The following TENM3 variants were observed in gnomAD, a reference collection of about 807,000 sequenced individuals.
TENM3 encodes teneurin transmembrane protein 3.
In TENM3, 63 loss-of-function variants were observed where a neutral mutation model predicts 255.1. That is an observed-to-expected ratio of 0.25 (90% CI 0.20 to 0.30). The LOEUF (loss-of-function observed/expected upper bound fraction) is 0.30. Among genes scored for constraint, TENM3 ranks in the 10% least tolerant of loss-of-function variants. The pLI, the probability that TENM3 is intolerant of heterozygous loss-of-function variation, is 1.00. For synonymous variants in TENM3, 1,306 were observed against 1,322.3 expected (o/e 0.99, Z 0.27); for missense variants, 2,929 against 3,461.1 (o/e 0.85, Z 3.86).
chr4:181,623,190 T>C, the TENM3 span, among the ~76,000 whole-genome samples: 1 of 152,198 alleles, frequency 6.6e-6, no homozygotes, highest in African/African-American at 2.4e-5. Context: ...GCAGTTTTGC[T>C]CTTTACAAGC....
At chr4:182,763,401 T>G (rs1234515711) in intron 22 of TENM3, among the ~76,000 whole-genome samples, 1 of 151,994 alleles carries the variant, frequency 6.6e-6, no homozygotes, top group East Asian at 1.9e-4. Flanking sequence ...CCATCTCTAC[T>G]AAAAATACAA....
At chr4:182,505,993 A>G (rs1368828047) in intron 3 of TENM3, among the ~76,000 whole-genome samples, 1 of 152,228 alleles carries the variant, frequency 6.6e-6, no homozygotes, top group African/African-American at 2.4e-5. Flanking sequence ...TGCATCACAT[A>G]TAAAATCCCA....
the TENM3 span, among the ~76,000 whole-genome samples, chr4:181,667,742 C>T: frequency 6.6e-6 from 1 of 152,150 alleles, no homozygotes; most frequent in Non-Finnish European, 1.5e-5. Context: ...TTATAAATCA[C>T]CCAGTCTTAG....
chr4:182,162,561 C>T (rs1470204977), intron 1 of TENM3, among the ~76,000 whole-genome samples: 1 of 152,182 alleles, frequency 6.6e-6, no homozygotes, highest in Non-Finnish European at 1.5e-5. Flanking sequence ...TCTGAACACT[C>T]TCTTAGCCTG....
chr4:182,153,290 A>G (rs1390747729), intron 1 of TENM3, among the ~76,000 whole-genome samples: 1 of 152,068 alleles, frequency 6.6e-6, no homozygotes, highest in Non-Finnish European at 1.5e-5. Flanking sequence ...AATATCATGA[A>G]TATACAATAT....
At chr4:182,042,259 C>A in the TENM3 span, among the ~76,000 whole-genome samples, 1 of 152,134 alleles carries the variant, frequency 6.6e-6, no homozygotes, top group Non-Finnish European at 1.5e-5. Context: ...TAGCTCAATG[C>A]GTTTTCTCAA....
intron 12 of TENM3, among the ~76,000 whole-genome samples, chr4:182,704,129 G>A (rs1309862338): frequency 6.6e-6 from 1 of 151,424 alleles, no homozygotes; most frequent in Non-Finnish European, 1.5e-5. Flanking sequence ...ATCCTAAAAT[G>A]TGTTTTTTGC....
At chr4:182,725,636 C>CTTTTTTTTTTTTTT (rs5864795) in intron 13 of TENM3, among the ~76,000 whole-genome samples, 6 of 133,672 alleles carry the variant, frequency 4.5e-5, no homozygotes, top group South Asian at 4.5e-4. Flanking sequence ...TCTTTTTTTT[C>CTTTTTTTTTTTTTT]TTTTTTTTTT....
chr4:182,622,474 A>G (rs756899538), intron 4 of TENM3, among the ~76,000 whole-genome samples: 1 of 152,248 alleles, frequency 6.6e-6, no homozygotes, highest in Non-Finnish European at 1.5e-5. Context: ...GTCAGCCTCT[A>G]TCAAACTTAC....
At chr4:181,726,755 A>G in the TENM3 span, among the ~76,000 whole-genome samples, 2 of 152,244 alleles carry the variant, frequency 1.3e-5, no homozygotes, top group East Asian at 3.9e-4. Context: ...CAGATCCCAC[A>G]GGTTGAGGGC....
At chr4:181,886,459 A>G in the TENM3 span, among the ~76,000 whole-genome samples, 4 of 152,226 alleles carry the variant, frequency 2.6e-5, no homozygotes, top group Non-Finnish European at 4.4e-5. Context: ...CTTTTGAGAT[A>G]AATATTGGTT....
intron 22 of TENM3, among the ~76,000 whole-genome samples, chr4:182,761,219 G>A (rs1763164036): frequency 6.6e-6 from 1 of 152,110 alleles, no homozygotes; most frequent in Non-Finnish European, 1.5e-5. Flanking sequence ...AGGAGTTCAA[G>A]ACCAGCCTGG....
intron 7 of TENM3, among the ~76,000 whole-genome samples, chr4:182,675,294 A>G (rs952559890): frequency 6.6e-6 from 1 of 152,102 alleles, no homozygotes; most frequent in African/African-American, 2.4e-5. Context: ...CTGTAATCCC[A>G]GCACCAGGAG....
At chr4:182,166,910 G>A (rs977209602) in intron 1 of TENM3, among the ~76,000 whole-genome samples, 14 of 152,118 alleles carry the variant, frequency 9.2e-5, no homozygotes, top group African/African-American at 3.1e-4. Context: ...TATCATAAAG[G>A]TATAAAGAGA....
chr4:181,849,158 T>TTAATATTCCTGTCTA, the TENM3 span, among the ~76,000 whole-genome samples: 13 of 152,340 alleles, frequency 8.5e-5, no homozygotes, highest in African/African-American at 2.9e-4. Context: ...GTAAAAGTGC[T>TTAATATTCCTGTCTA]TAATATTCCT....
At chr4:182,200,988 C>T (rs1419417363) in intron 1 of TENM3, among the ~76,000 whole-genome samples, 1 of 152,086 alleles carries the variant, frequency 6.6e-6, no homozygotes, top group Non-Finnish European at 1.5e-5. Flanking sequence ...CCACGCCCAG[C>T]TAATTTTTGT....
the TENM3 span, among the ~76,000 whole-genome samples, chr4:181,838,222 C>A: frequency 6.6e-6 from 1 of 152,084 alleles, no homozygotes; most frequent in Non-Finnish European, 1.5e-5. Flanking sequence ...TCTAAAACAA[C>A]TGCACTTTGT....
chr4:181,797,117 T>G, the TENM3 span, among the ~76,000 whole-genome samples: 1 of 151,934 alleles, frequency 6.6e-6, no homozygotes, highest in African/African-American at 2.4e-5. Context: ...TCTTTGTACA[T>G]GGGGATTTTT....
intron 3 of TENM3, among the ~76,000 whole-genome samples, chr4:182,491,817 A>G (rs1439585929): frequency 1.3e-5 from 2 of 152,222 alleles, no homozygotes; most frequent in African/African-American, 4.8e-5. Flanking sequence ...AGGTGCTGCC[A>G]TGGACATTGG....
Sources: gnomAD v4.1 joint callset for allele counts (sites outside exome capture counted in the v4.1 genomes callset) on GRCh38, gnomAD v4.1.1 for gene constraint, MANE v1.5 for transcripts, NCBI Gene and HGNC (gene_info 2026-07-23, HGNC 2026-07-21) for gene names.